SYNE3: variants seen among roughly 807,000 people sequenced by gnomAD.
SYNE3 encodes the protein nesprin-3.
SYNE3 carries 100 observed loss-of-function variants against 111.2 expected under a neutral mutation model. That is an observed-to-expected ratio of 0.90 (90% CI 0.77 to 1.06). The LOEUF is 1.06. SYNE3 is among the 50% of genes least tolerant of loss of function. The pLI, the probability that SYNE3 is intolerant of heterozygous loss-of-function variation, is 0.00. For synonymous variants in SYNE3, 547 were observed against 533.9 expected (o/e 1.02, Z -0.34); for missense variants, 1,160 against 1,240.3 (o/e 0.94, Z 0.97).
At chr14:95,421,190 G>A (rs1885103054) in intron 17 of SYNE3, among the ~76,000 whole-genome samples, 1 of 152,158 alleles carries the variant, frequency 6.6e-6, no homozygotes, top group South Asian at 2.1e-4. Context: ...TTTATCAGCA[G>A]CATGAAAACG....
chr14:95,443,077 G>A (rs927131516), intron 11 of SYNE3, 78 bp downstream of exon 11: 77 of 1,554,816 alleles, frequency 5.0e-5, no homozygotes, highest in Non-Finnish European at 6.4e-5. Context: ...GCAGGAAAGG[G>A]GAAGAAAGGC....
At chr14:95,447,276 G>A (rs915371449) in intron 8 of SYNE3, among the ~76,000 whole-genome samples, 22 of 151,942 alleles carry the variant, frequency 1.4e-4, no homozygotes, top group Admixed American at 1.2e-3. Flanking sequence ...TGGGACTACA[G>A]GCGCCCACCA....
Position 95,475,408 on chromosome 14 carries a change from C to G in SYNE3, c.144+270G>C, listed in dbSNP as rs114162146. 6.1e-3 allele frequency among the ~76,000 whole-genome samples: 927 copies of G among 152,350 alleles called. 10 individuals carry two copies. Among genetic ancestry groups the G allele is most frequent in the African/African-American group, 0.02 (824 of 41,580 alleles). ...GGACAGGAGGATGAGAGGACAGGCT[C>G]TAGTTCCTTGTCATCAGAGTGTGTT... is the stretch of plus-strand genomic sequence containing the variant. On this transcript the variant is annotated intron_variant, in intron 2 of 17. Transcript: ENST00000682763.
rs753557098 is a variant in SYNE3, at chr14:95,439,761, C to G, written c.2097G>C (p.Glu699Asp). The G allele has an allele frequency of 1.9e-6, 3 of 1,613,126 alleles. No individual in the cohort carries two copies. The African/African-American group carries it at 4.0e-5, about 22-fold the overall frequency. ...EFERLVAEFP[E>D]KEAQLSLVEA... The stretch of plus-strand genomic sequence containing the variant: ...CCACCAGGGACAGCTGGGCCTCCTT[C>G]TCCGGGAATTCTGCCACCAGCCTCT... Residue 699 changes from glutamate (E) to aspartate (D), a missense_variant, in exon 13 of 18, where the codon GAG becomes GAC. Transcript: ENST00000682763.
At position 95,511,916 on chromosome 14, in the gene SYNE3, G is replaced by T. The variant is rs75258618; in HGVS notation, c.-15+4680C>A. Among the ~76,000 whole-genome samples, 436 of 132,400 alleles carry T rather than the reference G, an allele frequency of 3.3e-3. 5 individuals are homozygous for T. The highest frequency in any genetic ancestry group is 0.017 in the African/African-American group (407 of 23,742). 86.9% of individuals were successfully genotyped at this position (132,400 alleles called of 152,430 possible). On this transcript the variant is annotated intron_variant, in intron 1 of 17. Transcript: ENST00000682763. ...GCCTGGAGAGAAGTGTATTCCCTAC[G>T]TGTGTGACCTCGGCCAGGACACTTC...
chr14:95,455,845 G>T, intron 5 of SYNE3, 121 bp from the exon 6 acceptor site: 2 of 995,860 alleles, frequency 2.0e-6, no homozygotes, highest in Non-Finnish European at 2.9e-6. Context: ...CTGCGTTAGA[G>T]CCAGAGAGGG....
intron 16 of SYNE3, among the ~76,000 whole-genome samples, chr14:95,432,643 T>G (rs1305221895): frequency 8.0e-6 from 1 of 124,562 alleles, no homozygotes; most frequent in African/African-American, 3.4e-5. Context: ...CTATTATTAT[T>G]ATTATTATTA....
intron 1 of SYNE3, among the ~76,000 whole-genome samples, chr14:95,476,769 T>C (rs895100860): frequency 6.6e-6 from 1 of 152,258 alleles, no homozygotes; most frequent in Non-Finnish European, 1.5e-5. Flanking sequence ...CCACAATACC[T>C]TGTACAGAGT....
At chr14:95,421,492 T>C (rs547241275) in intron 17 of SYNE3, among the ~76,000 whole-genome samples, 26 of 152,198 alleles carry the variant, frequency 1.7e-4, no homozygotes, top group Non-Finnish European at 2.6e-4. Flanking sequence ...CCTAGATGTG[T>C]GATCTAGGGC....
intron 4 of SYNE3, among the ~76,000 whole-genome samples, chr14:95,462,670 A>G (rs538168508): frequency 1.2e-4 from 18 of 152,258 alleles, no homozygotes; most frequent in African/African-American, 3.9e-4. Context: ...AGCAGCTCAA[A>G]CCTGCCTTTC....
chr14:95,456,639 CT>C (rs1331841280), intron 5 of SYNE3, among the ~76,000 whole-genome samples: 1 of 152,186 alleles, frequency 6.6e-6, no homozygotes, highest in Non-Finnish European at 1.5e-5. Flanking sequence ...TTCTGTGGTC[CT>C]GGGTTTCCAA....
At chr14:95,441,343 C>T (rs1287464174) in intron 11 of SYNE3, among the ~76,000 whole-genome samples, 5 of 152,310 alleles carry the variant, frequency 3.3e-5, no homozygotes, top group Non-Finnish European at 7.4e-5. Context: ...CCTCCTGGTC[C>T]CTGTGTGCCA....
chr14:95,445,729 G>C (rs1387773559), intron 9 of SYNE3, among the ~76,000 whole-genome samples, 180 bp downstream of exon 9: 1 of 152,238 alleles, frequency 6.6e-6, no homozygotes, highest in East Asian at 1.9e-4. Context: ...GACCATGCAA[G>C]AATCCTACCC....
intron 4 of SYNE3, among the ~76,000 whole-genome samples, chr14:95,460,441 G>A (rs1285774479): frequency 7.0e-6 from 1 of 142,370 alleles, no homozygotes; most frequent in East Asian, 2.1e-4. Context: ...GGTTGGTCTC[G>A]AACTCCTGAC....
Position 95,408,961 on chromosome 14 carries a change from G to C in SYNE3, c.*8865C>G, listed in dbSNP as rs1340881620. Reference sequence around the variant, plus strand: ...CTCCCGTCCCCTGGGACCTCATCCTGGTGTTGCCAGCTCCCTTCAGCGGTG... The same window carrying C: ...CTCCCGTCCCCTGGGACCTCATCCTCGTGTTGCCAGCTCCCTTCAGCGGTG... On this transcript the variant is annotated 3_prime_UTR_variant, in exon 18 of 18. Transcript: ENST00000682763. 5.6e-6 allele frequency: 2 copies of C among 359,634 alleles called. No individual in the cohort carries two copies. The highest frequency in any genetic ancestry group is 4.3e-5 in the African/African-American group (2 of 46,832). 22.3% of individuals were successfully genotyped at this position (359,634 alleles called of 1,614,324 possible).
At chr14:95,489,001 G>T (rs1202660029) in intron 1 of SYNE3, among the ~76,000 whole-genome samples, 1 of 152,156 alleles carries the variant, frequency 6.6e-6, no homozygotes, top group Non-Finnish European at 1.5e-5. Flanking sequence ...TCTCCTCCTT[G>T]AAAGCTCCTT....
intron 15 of SYNE3, among the ~76,000 whole-genome samples, chr14:95,435,760 G>A (rs952477628): frequency 6.6e-6 from 1 of 152,204 alleles, no homozygotes; most frequent in African/African-American, 2.4e-5. Context: ...AAACAGAAGT[G>A]AGCTAGGGCC....
chr14:95,460,544 T>A lies in SYNE3; in HGVS notation c.628-3206A>T, dbSNP rs112011006. 4.0e-3 allele frequency among the ~76,000 whole-genome samples: 610 copies of A among 152,232 alleles called. 6 individuals carry two copies. Among genetic ancestry groups the A allele is most frequent in the African/African-American group, 0.014 (580 of 41,544 alleles). On this transcript the variant is annotated intron_variant, in intron 4 of 17. Transcript: ENST00000682763. Reference sequence around the variant, plus strand: ...TCAAAAGCCTATTTTAAAGTTATAGTAACTGAAATGGCTTACAACTGGAAT... The same window carrying A: ...TCAAAAGCCTATTTTAAAGTTATAGAAACTGAAATGGCTTACAACTGGAAT...
chr14:95,416,994 AAC>A lies in SYNE3; in HGVS notation c.*830_*831del, dbSNP rs1411569163. On this transcript the variant is annotated 3_prime_UTR_variant, in exon 18 of 18. Coordinates refer to ENST00000682763, the MANE Select transcript of SYNE3 (RefSeq NM_152592.6). ...TCTTCTTCCCTTTCTCCCTGAATGA[AAC>A]ACACAGAGCAGGATCTCACCGTTTC... is the stretch of plus-strand genomic sequence containing the variant. 2.0e-5 allele frequency: 3 copies of A among 152,228 alleles called. No individual in the cohort carries two copies. The highest frequency in any genetic ancestry group is 6.5e-5 in the Admixed American group (1 of 15,284). 9.4% of individuals were successfully genotyped at this position (152,228 alleles called of 1,614,324 possible).
Sources: allele counts gnomAD v4.1 joint callset (sites outside exome capture counted in the v4.1 genomes callset), GRCh38; gene constraint gnomAD v4.1.1; transcripts MANE v1.5; gene names NCBI Gene and HGNC (gene_info 2026-07-23, HGNC 2026-07-21).